Variants in LEF1 observed in about 807,000 individuals in gnomAD.
LEF1 encodes the protein lymphoid enhancer binding factor 1.
LEF1 carries 14 observed loss-of-function variants against 51.2 expected under a neutral mutation model. That is an observed-to-expected ratio of 0.27 (90% confidence interval 0.18 to 0.43). LEF1 has a LOEUF of 0.43. LEF1 is among the 20% of genes least tolerant of loss of function. LEF1 has a pLI of 1.00. For missense variants in LEF1, 386 were observed against 512.0 expected, an observed-to-expected ratio of 0.75 and a Z score of 2.37; for synonymous variants, 185 against 183.2, an observed-to-expected ratio of 1.01 and a Z score of -0.08.
At chr4:108,137,456 G>T (rs1743371267) in intron 3 of LEF1, among the ~76,000 whole-genome samples, 1 of 152,176 alleles carries the variant, frequency 6.6e-6, no homozygotes, top group African/African-American at 2.4e-5. Flanking sequence ...CTACAACTTA[G>T]ATTTTTCAAT....
chr4:108,082,750 G>T (rs751897735), intron 5 of LEF1, among the ~76,000 whole-genome samples: 2 of 152,124 alleles, frequency 1.3e-5, no homozygotes, highest in Non-Finnish European at 2.9e-5. Flanking sequence ...TAATTGAAAA[G>T]ATTTTGGAGG....
At chr4:108,060,049 T>C (rs1737569981) in intron 11 of LEF1, among the ~76,000 whole-genome samples, 3 of 152,170 alleles carry the variant, frequency 2.0e-5, no homozygotes, top group Admixed American at 2.0e-4. Flanking sequence ...AGTATGACTG[T>C]AGTCTGGCAA....
At chr4:108,097,318 T>C (rs759923716) in intron 3 of LEF1, among the ~76,000 whole-genome samples, 1 of 152,194 alleles carries the variant, frequency 6.6e-6, no homozygotes, top group Admixed American at 6.5e-5. Context: ...CATTATGTTA[T>C]GTGAAATAAG....
At chr4:108,102,829 T>A (rs1740917057) in intron 3 of LEF1, among the ~76,000 whole-genome samples, 1 of 152,160 alleles carries the variant, frequency 6.6e-6, no homozygotes, top group Non-Finnish European at 1.5e-5. Flanking sequence ...GGGTGATGTC[T>A]TGAGGGAGAA....
intron 11 of LEF1, among the ~76,000 whole-genome samples, chr4:108,055,008 G>A (rs959875134): frequency 9.2e-5 from 14 of 152,340 alleles, no homozygotes; most frequent in South Asian, 2.1e-4. Context: ...GAACACTGCT[G>A]AGGAAAAACA....
At chr4:108,148,704 T>C (rs1744143752) in intron 3 of LEF1, among the ~76,000 whole-genome samples, 2 of 152,216 alleles carry the variant, frequency 1.3e-5, no homozygotes, top group Non-Finnish European at 1.5e-5. Flanking sequence ...GAATGATAAA[T>C]CATTCCTGAA....
chr4:108,148,534 C>A (rs982535492), intron 3 of LEF1, among the ~76,000 whole-genome samples: 5 of 152,184 alleles, frequency 3.3e-5, no homozygotes, highest in African/African-American at 4.8e-5. Flanking sequence ...GTCATGCCTG[C>A]CTCACTCTGC....
intron 3 of LEF1, among the ~76,000 whole-genome samples, chr4:108,153,888 T>C (rs1352843924): frequency 1.3e-5 from 2 of 152,212 alleles, no homozygotes; most frequent in African/African-American, 4.8e-5. Context: ...AAAAAGCAAG[T>C]TGCAAAATGA....
chr4:108,080,651 A>G (rs931724868), intron 6 of LEF1, among the ~76,000 whole-genome samples: 1 of 152,228 alleles, frequency 6.6e-6, no homozygotes, highest in African/African-American at 2.4e-5. Context: ...AGTTCTTACA[A>G]TGTTAAAAAG....
chr4:108,129,645 T>C (rs913807059), intron 3 of LEF1, among the ~76,000 whole-genome samples: 1 of 152,206 alleles, frequency 6.6e-6, no homozygotes, highest in Non-Finnish European at 1.5e-5. Context: ...CATGTTCCAC[T>C]TCATAAACAA....
At chr4:108,106,684 G>A (rs1056952522) in intron 3 of LEF1, among the ~76,000 whole-genome samples, 6 of 152,108 alleles carry the variant, frequency 3.9e-5, no homozygotes, top group Non-Finnish European at 7.4e-5. Flanking sequence ...TTCTGGTTCC[G>A]AGCCATCCCA....
intron 11 of LEF1, among the ~76,000 whole-genome samples, chr4:108,057,711 A>G (rs1737400701): frequency 6.6e-6 from 1 of 152,166 alleles, no homozygotes; most frequent in African/African-American, 2.4e-5. Context: ...ATCAAAGAAA[A>G]GCCAGAAACA....
rs1174274239 is a variant in LEF1, at chr4:108,061,327, T to C, written c.*6+2296A>G. Among the ~76,000 whole-genome samples the C allele has an allele frequency of 2.0e-5, 3 of 152,266 alleles. No individual in the cohort carries two copies. In the East Asian group the frequency reaches 5.8e-4, roughly 29 times the overall value. ...AGTGACAAGAAAGCACAATGACAGC[T>C]GTGACTTGCTAGAAAAAGATGTTTG... is the stretch of plus-strand genomic sequence containing the variant. On this transcript the variant is annotated intron_variant, in intron 11 of 11. Transcript: ENST00000265165.
At chr4:108,112,694 G>A (rs1741605882) in intron 3 of LEF1, among the ~76,000 whole-genome samples, 1 of 152,212 alleles carries the variant, frequency 6.6e-6, no homozygotes, top group Non-Finnish European at 1.5e-5. Context: ...ATATAAGTAT[G>A]TTTGTTAACT....
intron 3 of LEF1, 25 bp from the exon 4 acceptor site, chr4:108,089,282 A>T: frequency 6.2e-7 from 1 of 1,603,772 alleles, no homozygotes; most frequent in Non-Finnish European, 8.5e-7. Context: ...CAAGGTCAAT[A>T]GTTAATATGG....
intron 3 of LEF1, among the ~76,000 whole-genome samples, chr4:108,102,186 T>A (rs1260679469): frequency 6.6e-6 from 1 of 152,106 alleles, no homozygotes; most frequent in Non-Finnish European, 1.5e-5. Flanking sequence ...GCACTGGGAA[T>A]CTGAAAGAAC....
intron 7 of LEF1, among the ~76,000 whole-genome samples, chr4:108,079,089 G>C (rs960338765): frequency 6.6e-6 from 1 of 152,172 alleles, no homozygotes; most frequent in Non-Finnish European, 1.5e-5. Context: ...TTGAAGCTTG[G>C]AGCCAGGGTA....
At chr4:108,057,577 A>T (rs1289231007) in intron 11 of LEF1, among the ~76,000 whole-genome samples, 4 of 152,322 alleles carry the variant, frequency 2.6e-5, no homozygotes, top group Admixed American at 2.6e-4. Context: ...TCAGGGTTGC[A>T]GTCCTCTCAC....
intron 2 of LEF1, among the ~76,000 whole-genome samples, chr4:108,164,607 TA>T (rs1019022979): frequency 6.6e-6 from 1 of 152,186 alleles, no homozygotes; most frequent in Non-Finnish European, 1.5e-5. Flanking sequence ...TTCCTAATTA[TA>T]AGTTTTATAT....
Sources: allele counts gnomAD v4.1 joint callset (sites outside exome capture counted in the v4.1 genomes callset), GRCh38; gene constraint gnomAD v4.1.1; transcripts MANE v1.5; gene names NCBI Gene and HGNC (gene_info 2026-07-23, HGNC 2026-07-21).